PRPF39: variants seen among roughly 807,000 people sequenced by gnomAD.
PRPF39 encodes pre-mRNA-processing factor 39.
In PRPF39, 27 loss-of-function variants were observed where a neutral mutation model predicts 82.1. The observed-to-expected ratio is 0.33, with a 90% confidence interval of 0.24 to 0.45. The LOEUF (loss-of-function observed/expected upper bound fraction) is 0.45, where lower values mean the gene tolerates loss of function less well. Among genes scored for constraint, PRPF39 ranks in the 20% least tolerant of loss-of-function variants. The probability of loss-of-function intolerance (pLI) is 1.00; values close to 1 mark genes in which losing one functional copy is unlikely to be tolerated. For missense variants in PRPF39, 581 were observed against 796.9 expected (o/e 0.73, Z 3.26); for synonymous variants, 261 against 256.4 (o/e 1.02, Z -0.17).
chr14:45,095,203 T>C lies in PRPF39; in HGVS notation c.-19-18T>C. 1 of 1,460,418 alleles carries C rather than the reference T, an allele frequency of 6.8e-7. No homozygotes were observed. The highest frequency in any genetic ancestry group is 9.3e-7 in the Non-Finnish European group (1 of 1,074,318). The allele number at this position is 1,460,418 out of a possible 1,614,324, so 90.5% of individuals were successfully genotyped here. ...TTGGCATTTGGAAGATATTTCTCTT[T>C]TTTTCGTGTTTCCACAGATCGTTAA... is the stretch of plus-strand genomic sequence containing the variant. On this transcript the variant is annotated intron_variant, in intron 1 of 13. Transcript: ENST00000355765.
At chr14:45,112,237 CAT>C in intron 10 of PRPF39, 79 bp from the exon 11 acceptor site, 1 of 1,173,058 alleles carries the variant, frequency 8.5e-7, no homozygotes, top group Non-Finnish European at 1.2e-6. Context: ...CAAATTGAGA[CAT>C]AAAAACTAAG....
intron 3 of PRPF39, 53 bp from the exon 4 acceptor site, chr14:45,096,830 CCTCT>C (rs937291330): frequency 6.5e-7 from 1 of 1,534,442 alleles, no homozygotes; most frequent in South Asian, 1.2e-5. Flanking sequence ...CACAGTGTTG[CCTCT>C]CTGTTAAGAA....
intron 4 of PRPF39, among the ~76,000 whole-genome samples, chr14:45,102,049 C>T (rs1338772007): frequency 1.3e-5 from 2 of 152,036 alleles, no homozygotes; most frequent in African/African-American, 4.8e-5. Context: ...TAAGGTGATC[C>T]TCCCGCCTCA....
chr14:45,091,696 A>G (rs1243328470), intron 1 of PRPF39, among the ~76,000 whole-genome samples: 4 of 152,212 alleles, frequency 2.6e-5, no homozygotes, highest in Non-Finnish European at 4.4e-5. Flanking sequence ...AAAAAAAGAA[A>G]TAAAAATTTT....
At chr14:45,097,239 G>A (rs1482278724) in intron 4 of PRPF39, among the ~76,000 whole-genome samples, 3 of 151,748 alleles carry the variant, frequency 2.0e-5, no homozygotes, top group African/African-American at 7.3e-5. Context: ...AGCTTGGTGT[G>A]TGTTCTTTCA....
chr14:45,096,221 C>T lies in PRPF39; in HGVS notation c.443C>T (p.Ser148Leu). 6.3e-7 allele frequency: 1 copy of T among 1,593,412 alleles called. No homozygotes were observed. The highest frequency in any genetic ancestry group is 8.6e-7 in the Non-Finnish European group (1 of 1,169,360). ...LEKRHDNIKPSDEVYRRGLQA... is the reference protein window; with the variant it reads ...LEKRHDNIKPLDEVYRRGLQA... ...AAGCGGCACGACAACATTAAACCAT[C>T]AGATGAGGTGCGTACATCACTGAAT... Residue 148 changes from serine (S) to leucine (L), a missense_variant, in exon 3 of 14, where the codon TCA becomes TTA. Coordinates refer to ENST00000355765, the MANE Select transcript of PRPF39 (RefSeq NM_017922.4).
intron 1 of PRPF39, among the ~76,000 whole-genome samples, chr14:45,094,645 T>C (rs555753865): frequency 6.6e-6 from 1 of 152,364 alleles, no homozygotes; most frequent in East Asian, 1.9e-4. Flanking sequence ...TTATATCTTA[T>C]ATAATAAAGT....
intron 5 of PRPF39, among the ~76,000 whole-genome samples, chr14:45,103,613 G>C (rs372581900): frequency 2.0e-5 from 3 of 152,126 alleles, no homozygotes; most frequent in African/African-American, 7.2e-5. Flanking sequence ...TACAGACTCA[G>C]GTTAGAAATA....
chr14:45,094,449 G>A (rs1884136407), intron 1 of PRPF39, among the ~76,000 whole-genome samples: 1 of 152,052 alleles, frequency 6.6e-6, no homozygotes, highest in Non-Finnish European at 1.5e-5. Flanking sequence ...GCCCAGGCTG[G>A]AGTATCGTAG....
intron 1 of PRPF39, among the ~76,000 whole-genome samples, chr14:45,087,904 G>T (rs1883893619): frequency 6.6e-6 from 1 of 151,948 alleles, no homozygotes; most frequent in South Asian, 2.1e-4. Context: ...TGTTCTTCTG[G>T]CCTCTAAAAC....
chr14:45,106,534 T>G (rs1884538487), intron 5 of PRPF39, among the ~76,000 whole-genome samples: 1 of 152,228 alleles, frequency 6.6e-6, no homozygotes, highest in African/African-American at 2.4e-5. Context: ...ATTGCATGTT[T>G]TTATAAAATA....
chr14:45,108,741 T>A (rs535706384), intron 7 of PRPF39, among the ~76,000 whole-genome samples: 1 of 152,332 alleles, frequency 6.6e-6, no homozygotes, highest in East Asian at 1.9e-4. Context: ...AATTGCAAGA[T>A]ATCTGCTTAA....
intron 12 of PRPF39, 108 bp from the exon 13 acceptor site, chr14:45,114,386 G>C (rs1219796507): frequency 7.4e-7 from 1 of 1,350,034 alleles, no homozygotes; most frequent in African/African-American, 1.5e-5. Flanking sequence ...AAAAAGTCTT[G>C]AGTGATTCAG....
In PRPF39 at chr14:45,114,230, A is replaced by G; in HGVS notation, c.1805A>G (p.Asp602Gly). ...CATCAAACACTCCTGAAAGAACAGG[A>G]TTCTTTAAAAAGGAAAGCAGAAAAT... ...DEHQTLLKEQDSLKRKAENGS... is the reference protein window; with the variant it reads ...DEHQTLLKEQGSLKRKAENGS... Residue 602 changes from aspartate to glycine, a missense_variant, in exon 12 of 14, where the codon GAT becomes GGT. Asp to Gly is a moderately conservative substitution (Grantham distance 94). Coordinates refer to ENST00000355765, the MANE Select transcript of PRPF39 (RefSeq NM_017922.4). 1 of 1,603,292 alleles carries G rather than the reference A, an allele frequency of 6.2e-7. No homozygotes were observed.
Position 45,109,768 on chromosome 14 carries a change from G to C in PRPF39, c.1164G>C (p.Glu388Asp). ...RCVISCALYE[E>D]FWIKYAKYME... ...TCATATCATGTGCCCTCTATGAGGA[G>C]TTTTGGATTAAGGTAAGAAAATCAT... The change falls in exon 8 of 14, where the codon GAG becomes GAC. Residue 388 changes from glutamate (E) to aspartate (D), a missense_variant. Glu to Asp is a conservative substitution (Grantham distance 45). Coordinates refer to ENST00000355765, the MANE Select transcript of PRPF39 (RefSeq NM_017922.4). 1.2e-6 allele frequency: 2 copies of C among 1,601,726 alleles called. No individual in the cohort carries two copies. The highest frequency in any genetic ancestry group is 1.7e-6 in the Non-Finnish European group (2 of 1,174,342).
At chr14:45,084,881 G>C (rs1883772281) in intron 1 of PRPF39, among the ~76,000 whole-genome samples, 1 of 152,198 alleles carries the variant, frequency 6.6e-6, no homozygotes, top group Non-Finnish European at 1.5e-5. Context: ...ACATCTTTAA[G>C]TTAATTAATA....
intron 3 of PRPF39, 39 bp downstream of exon 3, chr14:45,096,267 C>T: frequency 3.3e-6 from 5 of 1,527,280 alleles, no homozygotes; most frequent in Non-Finnish European, 4.4e-6. Flanking sequence ...CCAATAGGTA[C>T]TGTAAGCCAA....
Position 45,102,703 on chromosome 14 carries a change from G to A in PRPF39, c.737+7G>A. 6.3e-7 allele frequency: 1 copy of A among 1,578,484 alleles called. No individual in the cohort carries two copies. Among genetic ancestry groups the A allele is most frequent in the Non-Finnish European group, 8.6e-7 (1 of 1,162,358 alleles). ...ATAGTCATCATTTTCAGAGGTAGGT[G>A]GGAAATTCTGATCATTGAAACATCT... On this transcript the variant is annotated splice_region_variant and intron_variant, in intron 5 of 13. Coordinates refer to ENST00000355765, the MANE Select transcript of PRPF39 (RefSeq NM_017922.4).
chr14:45,113,596 AATG>A (rs1360839115), intron 11 of PRPF39, among the ~76,000 whole-genome samples: 2 of 152,208 alleles, frequency 1.3e-5, no homozygotes, highest in Non-Finnish European at 2.9e-5. Flanking sequence ...AGTCTGGTTG[AATG>A]ATATGATTAA....
Sources: allele counts gnomAD v4.1 joint callset (sites outside exome capture counted in the v4.1 genomes callset), GRCh38; gene constraint gnomAD v4.1.1; transcripts MANE v1.5; gene names NCBI Gene and HGNC (gene_info 2026-07-23, HGNC 2026-07-21).